Variants in ZMAT4 observed in about 807,000 individuals in gnomAD.
The protein encoded by ZMAT4 is zinc finger matrin-type 4, also known as zinc finger matrin-type protein 4.
In ZMAT4, 17 loss-of-function variants were observed where a neutral mutation model predicts 28.7. The ratio of observed to expected loss-of-function variants is 0.59; its 90% CI spans 0.41 to 0.89. The LOEUF is 0.89. ZMAT4 is among the 40% of genes least tolerant of loss of function. The pLI, the probability that ZMAT4 is intolerant of heterozygous loss-of-function variation, is 0.00. For synonymous variants in ZMAT4, 117 were observed against 109.2 expected (o/e 1.07, Z -0.44); for missense variants, 240 against 283.8 (o/e 0.85, Z 1.11).
At chr8:40,715,856 C>T (rs1176501346) in intron 3 of ZMAT4, among the ~76,000 whole-genome samples, 4 of 152,224 alleles carry the variant, frequency 2.6e-5, no homozygotes, top group African/African-American at 9.6e-5. Flanking sequence ...GACTTCCAAA[C>T]AACCTGCAAC....
At chr8:40,579,155 G>C (rs914238295) in intron 6 of ZMAT4, among the ~76,000 whole-genome samples, 1 of 152,166 alleles carries the variant, frequency 6.6e-6, no homozygotes, top group Non-Finnish European at 1.5e-5. Flanking sequence ...AGTTATATAT[G>C]TACAGAATAG....
chr8:40,800,359 G>T lies in ZMAT4; in HGVS notation c.102+25216C>A, dbSNP rs1045516309. Among the ~76,000 whole-genome samples the T allele has an allele frequency of 1.6e-4, 21 of 129,926 alleles. No homozygotes were observed. The East Asian group carries it at 4.8e-3, about 30-fold the overall frequency. 85.2% of individuals were successfully genotyped at this position (129,926 alleles called of 152,430 possible). On this transcript the variant is annotated intron_variant, in intron 2 of 6. Transcript: ENST00000297737. ...CCAAAAAGCAGAAACTAATAAGAAA[G>T]AACATAAACACAACACCATTAATCA...
At chr8:40,556,720 C>T (rs557188151) in intron 6 of ZMAT4, among the ~76,000 whole-genome samples, 1 of 152,136 alleles carries the variant, frequency 6.6e-6, no homozygotes, top group Non-Finnish European at 1.5e-5. Context: ...AAATATTTTA[C>T]GTATCTATGG....
intron 5 of ZMAT4, among the ~76,000 whole-genome samples, chr8:40,637,316 TA>T (rs1806832138): frequency 6.6e-6 from 1 of 152,186 alleles, no homozygotes; most frequent in African/African-American, 2.4e-5. Flanking sequence ...AGTCAACAGT[TA>T]ACATGGGAAT....
At chr8:40,697,173 G>T in intron 4 of ZMAT4, 72 bp downstream of exon 4, 1 of 1,459,032 alleles carries the variant, frequency 6.9e-7, no homozygotes, top group Non-Finnish European at 9.1e-7. Context: ...GTCTGAAGGA[G>T]GAGCATGATC....
In ZMAT4 at chr8:40,833,540, C is replaced by CAAAAAAAAAAAAAAAAAAAAAAA. The variant is rs57458575; in HGVS notation, c.-4-7861_-4-7860insTTTTTTTTTTTTTTTTTTTTTTT. 9.8e-4 allele frequency among the ~76,000 whole-genome samples: 85 copies of CAAAAAAAAAAAAAAAAAAAAAAA among 87,048 alleles called. 3 individuals carry two copies. The highest frequency in any genetic ancestry group is 6.2e-3 in the South Asian group (13 of 2,090). 57.1% of individuals were successfully genotyped at this position (87,048 alleles called of 152,430 possible). ...CCGAGATCATACCACTACACTCCAG[C>CAAAAAAAAAAAAAAAAAAAAAAA]AAAAAAAAAAAAAAAAAAGACATGA... On this transcript the variant is annotated intron_variant, in intron 1 of 6. Transcript: ENST00000297737.
chr8:40,872,004 G>A (rs115040134), intron 1 of ZMAT4, among the ~76,000 whole-genome samples: 1,799 of 152,296 alleles, frequency 0.012, 41 homozygotes, highest in African/African-American at 0.041. Flanking sequence ...AAGTAGAAGA[G>A]GATATCTGAA....
At chr8:40,805,012 A>G (rs1815018197) in intron 2 of ZMAT4, among the ~76,000 whole-genome samples, 1 of 151,696 alleles carries the variant, frequency 6.6e-6, no homozygotes, top group Non-Finnish European at 1.5e-5. Context: ...TGAACAGGCA[A>G]CCTACAAAAT....
intron 1 of ZMAT4, among the ~76,000 whole-genome samples, chr8:40,830,551 G>A (rs1358430253): frequency 2.6e-5 from 4 of 152,156 alleles, no homozygotes; most frequent in Non-Finnish European, 5.9e-5. Context: ...TGGTATATAT[G>A]TACCAGATTT....
chr8:40,571,855 G>A lies in ZMAT4; in HGVS notation c.674+9310C>T, dbSNP rs79334213. 1.3e-4 allele frequency among the ~76,000 whole-genome samples: 20 copies of A among 152,072 alleles called. No homozygotes were observed. In the East Asian group the frequency reaches 3.3e-3, roughly 25 times the overall value. On this transcript the variant is annotated intron_variant, in intron 6 of 6. Coordinates refer to ENST00000297737, the MANE Select transcript of ZMAT4 (RefSeq NM_024645.3). ...TGGCCTGTTATCTCAAAATTTTACT[G>A]GTGATACATATTTTGTATTTTTCAG...
chr8:40,707,211 C>T (rs7841658), intron 3 of ZMAT4, among the ~76,000 whole-genome samples: 6,164 of 112,414 alleles, frequency 0.055, 265 homozygotes, highest in East Asian at 0.28. Flanking sequence ...TTCCTTCAGG[C>T]CTGCCCCCCC....
intron 3 of ZMAT4, among the ~76,000 whole-genome samples, chr8:40,732,270 A>G (rs1811572593): frequency 7.5e-6 from 1 of 133,898 alleles, no homozygotes; most frequent in African/African-American, 2.6e-5. Context: ...AAAAAGAAAA[A>G]AAGACAAAGG....
intron 1 of ZMAT4, among the ~76,000 whole-genome samples, chr8:40,845,813 G>C (rs1034836517): frequency 1.9e-5 from 1 of 52,108 alleles, no homozygotes; most frequent in African/African-American, 3.4e-5. Flanking sequence ...AGAGACTAAG[G>C]GTGGAGGGGG....
chr8:40,700,939 CA>C (rs934117744), intron 3 of ZMAT4, among the ~76,000 whole-genome samples: 67 of 152,208 alleles, frequency 4.4e-4, no homozygotes, highest in Non-Finnish European at 8.7e-4. Flanking sequence ...ACATTTACCA[CA>C]CTGGAGGACC....
chr8:40,868,961 C>T (rs753263468), intron 1 of ZMAT4, among the ~76,000 whole-genome samples: 1 of 152,212 alleles, frequency 6.6e-6, no homozygotes, highest in Non-Finnish European at 1.5e-5. Context: ...AACTGCAGTG[C>T]CCCTTCCTGA....
At position 40,815,620 on chromosome 8, in the gene ZMAT4, G is replaced by A. The variant is rs1815502461; in HGVS notation, c.102+9955C>T. On this transcript the variant is annotated intron_variant, in intron 2 of 6. Transcript: ENST00000297737. ...CCACGCAGAAGGTGGGATGGTTCGG[G>A]CTATTTAGCAGTGAGGCACAGAGCT... Among the ~76,000 whole-genome samples, 3 of 152,298 alleles carry A rather than the reference G, an allele frequency of 2.0e-5. No homozygotes were observed. In the South Asian group the frequency reaches 6.2e-4, roughly 32 times the overall value.
intron 6 of ZMAT4, among the ~76,000 whole-genome samples, chr8:40,570,932 A>G (rs1048340376): frequency 1.3e-5 from 2 of 152,000 alleles, no homozygotes; most frequent in Admixed American, 6.6e-5. Context: ...ATGACCTTGC[A>G]CCCCTGGAGA....
At chr8:40,718,621 G>A (rs1167235281) in intron 3 of ZMAT4, among the ~76,000 whole-genome samples, 3 of 152,184 alleles carry the variant, frequency 2.0e-5, no homozygotes, top group Non-Finnish European at 4.4e-5. Flanking sequence ...CTGGAGAACA[G>A]CTACTGCACA....
At chr8:40,637,844 T>G (rs1248084615) in intron 5 of ZMAT4, among the ~76,000 whole-genome samples, 1 of 152,196 alleles carries the variant, frequency 6.6e-6, no homozygotes, top group Non-Finnish European at 1.5e-5. Flanking sequence ...AAGACTTTTA[T>G]GCCAACCTAC....
Sources: gnomAD v4.1 joint callset for allele counts (sites outside exome capture counted in the v4.1 genomes callset) on GRCh38, gnomAD v4.1.1 for gene constraint, MANE v1.5 for transcripts, NCBI Gene and HGNC (gene_info 2026-07-23, HGNC 2026-07-21) for gene names.